Variants in ABCC4 observed in about 807,000 individuals in gnomAD.
The protein encoded by ABCC4 is ATP-binding cassette sub-family C member 4.
Under a neutral mutation model 168.5 loss-of-function variants are expected in ABCC4, and 102 were observed. That is an observed-to-expected ratio of 0.61 (90% CI 0.52 to 0.71). The LOEUF is 0.71. Among genes scored for constraint, ABCC4 ranks in the 30% least tolerant of loss-of-function variants. ABCC4 has a pLI of 0.00. For missense variants in ABCC4, 1,402 were observed against 1,605.8 expected (o/e 0.87, Z 2.17); for synonymous variants, 617 against 590.7 (o/e 1.04, Z -0.65).
intron 24 of ABCC4, among the ~76,000 whole-genome samples, chr13:95,072,648 T>C (rs1234820186): frequency 6.6e-6 from 1 of 152,184 alleles, no homozygotes; most frequent in African/African-American, 2.4e-5. Context: ...ATTTAAAACA[T>C]TGATTAAAGC....
chr13:95,167,464 G>C (rs1000098688), intron 14 of ABCC4, among the ~76,000 whole-genome samples: 5 of 152,154 alleles, frequency 3.3e-5, no homozygotes, highest in Non-Finnish European at 7.3e-5. Flanking sequence ...CAAGTCAGGT[G>C]GGGGAAGGTG....
intron 19 of ABCC4, among the ~76,000 whole-genome samples, chr13:95,138,835 C>T (rs2036221919): frequency 6.6e-6 from 1 of 152,234 alleles, no homozygotes; most frequent in Non-Finnish European, 1.5e-5. Flanking sequence ...CCCTGCATGG[C>T]CCAACCTGGC....
rs1036136534 is a variant in ABCC4 at position 95,300,589 on chromosome 13, G to T, written c.74+652C>A. 5.3e-5 allele frequency among the ~76,000 whole-genome samples: 8 copies of T among 152,268 alleles called. No individual in the cohort carries two copies. In the South Asian group the frequency reaches 1.7e-3, roughly 32 times the overall value. ...ATTCCCACAAAGAGGCAAAAGGAGA[G>T]CCCTGGTCACTGAGACAAAAGATAC... On this transcript the variant is annotated intron_variant, in intron 1 of 30. Transcript: ENST00000645237.
intron 1 of ABCC4, among the ~76,000 whole-genome samples, chr13:95,256,369 G>A (rs2040391838): frequency 6.6e-6 from 1 of 152,244 alleles, no homozygotes; most frequent in Admixed American, 6.5e-5. Flanking sequence ...TATATAGTCA[G>A]CAAGGCCCGT....
At chr13:95,147,564 T>C (rs1184721275) in intron 19 of ABCC4, among the ~76,000 whole-genome samples, 1 of 152,208 alleles carries the variant, frequency 6.6e-6, no homozygotes, top group Admixed American at 6.5e-5. Context: ...AATCTAAAAC[T>C]GCCTTAGGTC....
At chr13:95,125,673 A>G (rs1206644793) in intron 19 of ABCC4, among the ~76,000 whole-genome samples, 5 of 152,228 alleles carry the variant, frequency 3.3e-5, no homozygotes, top group African/African-American at 1.2e-4. Context: ...CGAATCACTC[A>G]TTGCCAGGAA....
At chr13:95,062,618 C>A in intron 26 of ABCC4, 86 bp downstream of exon 26, 1 of 1,255,214 alleles carries the variant, frequency 8.0e-7, no homozygotes, top group South Asian at 1.6e-5. Flanking sequence ...TCCTTTCATC[C>A]AATTAAAAAA....
intron 13 of ABCC4, among the ~76,000 whole-genome samples, chr13:95,171,417 T>C (rs1594228802): frequency 6.6e-6 from 1 of 150,502 alleles, no homozygotes; most frequent in Admixed American, 6.6e-5. Flanking sequence ...ATTAGCCGGG[T>C]GTGGTGGCAC....
At chr13:95,168,168 C>T (rs1025766530) in intron 14 of ABCC4, among the ~76,000 whole-genome samples, 7 of 152,112 alleles carry the variant, frequency 4.6e-5, no homozygotes, top group Admixed American at 1.3e-4. Context: ...CACCGCGCCT[C>T]GCCAAATGGT....
chr13:95,210,679 A>G lies in ABCC4; in HGVS notation c.621+13T>C, dbSNP rs878884334. ...TTAATGCAATGAAAAAGGATCCCTG[A>G]GCTGCAGCTTACCTGATCAAACTTG... On this transcript the variant is annotated intron_variant, in intron 5 of 30. Coordinates refer to ENST00000645237, the MANE Select transcript of ABCC4 (RefSeq NM_005845.5). 7 of 1,610,858 alleles carry G rather than the reference A, an allele frequency of 4.3e-6. No individual in the cohort carries two copies. The South Asian group carries it at 7.7e-5, about 18-fold the overall frequency.
At chr13:95,145,262 C>T (rs1157936172) in intron 19 of ABCC4, among the ~76,000 whole-genome samples, 1 of 152,030 alleles carries the variant, frequency 6.6e-6, no homozygotes, top group Non-Finnish European at 1.5e-5. Flanking sequence ...AGAAAACTAC[C>T]ATCCAACCTA....
intron 4 of ABCC4, among the ~76,000 whole-genome samples, chr13:95,230,010 C>T (rs1427015814): frequency 6.6e-6 from 1 of 152,162 alleles, no homozygotes; most frequent in Non-Finnish European, 1.5e-5. Flanking sequence ...GGAGATAAGG[C>T]ACTGTCCCCA....
At chr13:95,095,250 C>T (rs897278369) in intron 20 of ABCC4, among the ~76,000 whole-genome samples, 39 of 152,152 alleles carry the variant, frequency 2.6e-4, no homozygotes, top group Non-Finnish European at 5.0e-4. Context: ...AACCCAAATG[C>T]CCATCAATCA....
intron 8 of ABCC4, among the ~76,000 whole-genome samples, chr13:95,198,081 A>C (rs1369331276): frequency 6.6e-6 from 1 of 152,208 alleles, no homozygotes; most frequent in Non-Finnish European, 1.5e-5. Context: ...CACCAAAAAC[A>C]ATGGCAACAA....
chr13:95,107,769 A>T (rs947799240), intron 20 of ABCC4, among the ~76,000 whole-genome samples: 9 of 152,126 alleles, frequency 5.9e-5, no homozygotes, highest in Non-Finnish European at 1.2e-4. Context: ...TCTACCAAAT[A>T]TCTACCAAAA....
At chr13:95,179,876 G>A (rs1477651935) in intron 11 of ABCC4, among the ~76,000 whole-genome samples, 1 of 152,092 alleles carries the variant, frequency 6.6e-6, no homozygotes, top group Non-Finnish European at 1.5e-5. Flanking sequence ...ATATCCTGGA[G>A]AAACAAGAAT....
chr13:95,071,019 A>G (rs1327692103), intron 25 of ABCC4, among the ~76,000 whole-genome samples: 1 of 152,084 alleles, frequency 6.6e-6, no homozygotes, highest in Non-Finnish European at 1.5e-5. Context: ...TGGTGTTCTC[A>G]TGATAGTGAA....
chr13:95,255,449 T>G (rs1043548344), intron 1 of ABCC4, among the ~76,000 whole-genome samples: 2 of 152,090 alleles, frequency 1.3e-5, no homozygotes, highest in Non-Finnish European at 2.9e-5. Context: ...GACACTAAAG[T>G]TCAACGATCA....
intron 20 of ABCC4, among the ~76,000 whole-genome samples, chr13:95,108,549 G>A (rs957786240): frequency 2.0e-5 from 3 of 151,968 alleles, no homozygotes; most frequent in Non-Finnish European, 4.4e-5. Flanking sequence ...CTTGCCTGCC[G>A]CCATGTAAGA....
Sources: gnomAD v4.1 joint callset for allele counts (sites outside exome capture counted in the v4.1 genomes callset) on GRCh38, gnomAD v4.1.1 for gene constraint, MANE v1.5 for transcripts, NCBI Gene and HGNC (gene_info 2026-07-23, HGNC 2026-07-21) for gene names.